The following GRM4 variants were observed in gnomAD, a reference collection of about 807,000 sequenced individuals.
GRM4 encodes metabotropic glutamate receptor 4.
A neutral mutation model predicts 81.7 loss-of-function variants in GRM4; 28 were observed. That is an observed-to-expected ratio of 0.34 (90% CI 0.25 to 0.47). The LOEUF is 0.47. GRM4 is among the 20% of genes least tolerant of loss of function. The probability of loss-of-function intolerance (pLI) is 1.00; values close to 1 mark genes in which losing one functional copy is unlikely to be tolerated. For missense variants in GRM4, 948 were observed against 1,290.0 expected, an observed-to-expected ratio of 0.73 and a Z score of 4.06; for synonymous variants, 488 against 528.8, an observed-to-expected ratio of 0.92 and a Z score of 1.06.
At position 34,125,980 on chromosome 6, in the gene GRM4, CCT is replaced by C. The variant is rs777471825; in HGVS notation, c.519+6996_519+6997del. ...ATCCTATTCTGTATCCCTAGCCTCCCCTGAGCACCTCCTGAGGGCTTTGGGCA... is the reference window on the plus strand; with the variant it reads ...ATCCTATTCTGTATCCCTAGCCTCCCGAGCACCTCCTGAGGGCTTTGGGCA... On this transcript the variant is annotated intron_variant, in intron 2 of 10. Coordinates refer to ENST00000538487, the MANE Select transcript of GRM4 (RefSeq NM_000841.4). Among the ~76,000 whole-genome samples the C allele has an allele frequency of 3.3e-5, 5 of 152,332 alleles. No individual in the cohort carries two copies. The East Asian group carries it at 5.8e-4, about 18-fold the overall frequency.
intron 1 of GRM4, among the ~76,000 whole-genome samples, chr6:34,141,743 TAAGC>T (rs1317075003): frequency 1.3e-5 from 2 of 152,158 alleles, no homozygotes; most frequent in Admixed American, 6.5e-5. Flanking sequence ...TCATCTCTTC[TAAGC>T]AAGTTCCATT....
intron 2 of GRM4, among the ~76,000 whole-genome samples, chr6:34,107,058 C>T (rs923427012): frequency 3.9e-5 from 6 of 152,238 alleles, no homozygotes; most frequent in Non-Finnish European, 7.3e-5. Context: ...CTGCCCAGCA[C>T]GGCCTCCATG....
At chr6:34,023,920 CAG>C (rs1764014144) in intron 10 of GRM4, among the ~76,000 whole-genome samples, 1 of 152,190 alleles carries the variant, frequency 6.6e-6, no homozygotes, top group African/African-American at 2.4e-5. Context: ...TGGTGGTAAT[CAG>C]GGCAGTATTG....
At position 34,133,658 on chromosome 6, in the gene GRM4, G is replaced by A; in HGVS notation, c.-162C>T. The A allele has an allele frequency of 7.1e-7, 1 of 1,418,088 alleles. No individual in the cohort carries two copies. Among genetic ancestry groups the A allele is most frequent in the Non-Finnish European group, 9.2e-7 (1 of 1,091,898 alleles). The allele number at this position is 1,418,088 out of a possible 1,614,324, so 87.8% of individuals were successfully genotyped here. ...TGCTGCTACCCTCTCCCACCTCCTT[G>A]TCACTCGGGCCAAGCACAGTTGCCC... On this transcript the variant is annotated 5_prime_UTR_variant, in exon 2 of 11. Transcript: ENST00000538487. This position sits in a 1 kb window ranked among gnomAD's most constrained non-coding sequence, Gnocchi z 6.5.
chr6:34,133,932 T>C lies in GRM4; in HGVS notation c.-363-73A>G. 1 of 653,186 alleles carries C rather than the reference T, an allele frequency of 1.5e-6. No homozygotes were observed. The highest frequency in any genetic ancestry group is 1.9e-5 in the African/African-American group (1 of 51,324). The allele number at this position is 653,186 out of a possible 1,614,324, so 40.5% of individuals were successfully genotyped here. The stretch of plus-strand genomic sequence containing the variant: ...AGACATTAGCTAGTCTCATCTCTCA[T>C]CAGGAGCCTGAGAGAAGGAGATGCT... On this transcript the variant is annotated intron_variant, in intron 1 of 10. Coordinates refer to ENST00000538487, the MANE Select transcript of GRM4 (RefSeq NM_000841.4). The surrounding 1 kb of genome is among the most constrained non-coding windows in gnomAD (Gnocchi z 6.5).
intron 2 of GRM4, among the ~76,000 whole-genome samples, chr6:34,132,322 C>T (rs575095845): frequency 3.3e-5 from 5 of 152,226 alleles, no homozygotes; most frequent in Admixed American, 2.6e-4. Flanking sequence ...TCAGTTTTCC[C>T]GTCCTCATCT....
chr6:34,059,340 C>G lies in GRM4; in HGVS notation c.873-212G>C. 1 of 587,094 alleles carries G rather than the reference C, an allele frequency of 1.7e-6. No homozygotes were observed. Among genetic ancestry groups the G allele is most frequent in the African/African-American group, 1.9e-5 (1 of 53,680 alleles). The allele number at this position is 587,094 out of a possible 1,614,324, so 36.4% of individuals were successfully genotyped here. A position where few individuals can be genotyped will look rare whatever the true frequency, so the allele number is the denominator to read the frequency against. On this transcript the variant is annotated intron_variant, in intron 4 of 10. Transcript: ENST00000538487. This position sits in a 1 kb window ranked among gnomAD's most constrained non-coding sequence, Gnocchi z 5.7. The stretch of plus-strand genomic sequence containing the variant: ...ACCCATGGCTACCGCCTCATCCAAC[C>G]TGCCTGCCCCTGGGCCCACGCCTGC...
intron 10 of GRM4, 36 bp downstream of exon 10, chr6:34,028,084 G>A: frequency 6.3e-7 from 1 of 1,585,322 alleles, no homozygotes; most frequent in Non-Finnish European, 8.6e-7. Context: ...AGCGGGGCCT[G>A]GGGCCCGAGA....
intron 3 of GRM4, among the ~76,000 whole-genome samples, chr6:34,082,675 T>C (rs1767666226): frequency 6.6e-6 from 1 of 152,236 alleles, no homozygotes; most frequent in Admixed American, 6.5e-5. Context: ...ACTAATGCCT[T>C]TGAGAGCACC....
At chr6:34,043,385 G>A (rs1434791641) in intron 6 of GRM4, among the ~76,000 whole-genome samples, 1 of 152,138 alleles carries the variant, frequency 6.6e-6, no homozygotes, top group Non-Finnish European at 1.5e-5. Context: ...AGTGTCGCCT[G>A]GAAAGACCCT....
chr6:34,145,817 A>G (rs1048922962), intron 1 of GRM4, among the ~76,000 whole-genome samples, 183 bp downstream of exon 1: 1 of 152,122 alleles, frequency 6.6e-6, no homozygotes, highest in Non-Finnish European at 1.5e-5. Flanking sequence ...TTTTAAAGAG[A>G]GAGCACCTGG....
chr6:34,115,565 A>G lies in GRM4; in HGVS notation c.519+17413T>C, dbSNP rs1243944073. ...ACAGCAGCCTCCAGGGGTCTGCCCG[A>G]AGACACTCGGCAAACCTTTCAGGCC... On this transcript the variant is annotated intron_variant, in intron 2 of 10. Transcript: ENST00000538487. This position sits in a 1 kb window ranked among gnomAD's most constrained non-coding sequence, Gnocchi z 4.1. Among the ~76,000 whole-genome samples, 1 of 152,134 alleles carries G rather than the reference A, an allele frequency of 6.6e-6. No homozygotes were observed. Among genetic ancestry groups the G allele is most frequent in the Non-Finnish European group, 1.5e-5 (1 of 68,034 alleles).
At chr6:34,056,441 G>GC in intron 6 of GRM4, 103 bp downstream of exon 6, 1 of 1,095,836 alleles carries the variant, frequency 9.1e-7, no homozygotes, top group Admixed American at 2.3e-5. Flanking sequence ...GCCACGGCCG[G>GC]CCGACGACAG....
intron 6 of GRM4, among the ~76,000 whole-genome samples, chr6:34,051,767 A>G (rs1374117749): frequency 1.3e-5 from 2 of 152,130 alleles, no homozygotes; most frequent in Non-Finnish European, 2.9e-5. Context: ...CTTCCTGCAG[A>G]TAAGCTCCCA....
At chr6:34,104,677 C>T (rs1769029258) in intron 2 of GRM4, among the ~76,000 whole-genome samples, 1 of 152,164 alleles carries the variant, frequency 6.6e-6, no homozygotes, top group Non-Finnish European at 1.5e-5. Context: ...CATCCCCGCA[C>T]CCAGGAAGCA....
Position 34,035,810 on chromosome 6 carries a change from C to T in GRM4, c.2300G>A (p.Cys767Tyr). 1.2e-6 allele frequency: 2 copies of T among 1,613,838 alleles called. No individual in the cohort carries two copies. The highest frequency in any genetic ancestry group is 1.7e-6 in the Non-Finnish European group (2 of 1,179,704). Residue 767 changes from cysteine to tyrosine, a missense_variant, in exon 9 of 11, where the codon TGC (cysteine) becomes TAC (tyrosine). Coordinates refer to ENST00000538487, the MANE Select transcript of GRM4 (RefSeq NM_000841.4). This position sits in a 1 kb window ranked among gnomAD's most constrained non-coding sequence, Gnocchi z 6.6. ...LGYSMLLMVT[C>Y]TVYAIKTRGV... Reference sequence around the variant, plus strand: ...GCGTGTCTTGATGGCATACACGGTGCACGTGACCATGAGCAGCATGCTGTA... The same window carrying T: ...GCGTGTCTTGATGGCATACACGGTGTACGTGACCATGAGCAGCATGCTGTA...
In GRM4 at chr6:34,092,769, C is replaced by G. The variant is rs114492913; in HGVS notation, c.520-670G>C. ...CAGCCTCTCCAAGGCAGAGCCGACCCGGGGCCCTGCCCCAGCCCCGGGGCT... is the reference window on the plus strand; with the variant it reads ...CAGCCTCTCCAAGGCAGAGCCGACCGGGGGCCCTGCCCCAGCCCCGGGGCT... On this transcript the variant is annotated intron_variant, in intron 2 of 10. Coordinates refer to ENST00000538487, the MANE Select transcript of GRM4 (RefSeq NM_000841.4). The surrounding 1 kb of genome is among the most constrained non-coding windows in gnomAD (Gnocchi z 6.8). Among the ~76,000 whole-genome samples, 3 of 151,994 alleles carry G rather than the reference C, an allele frequency of 2.0e-5. No individual in the cohort carries two copies. Among genetic ancestry groups the G allele is most frequent in the Non-Finnish European group, 4.4e-5 (3 of 67,954 alleles).
intron 10 of GRM4, among the ~76,000 whole-genome samples, chr6:34,026,695 C>G (rs61423062): frequency 1.3e-5 from 2 of 152,032 alleles, no homozygotes; most frequent in African/African-American, 4.8e-5. Flanking sequence ...GGGCAGTACC[C>G]GTACTGAGCC....
rs995253821 is a variant in GRM4, at chr6:34,092,805, G to A, written c.520-706C>T. On this transcript the variant is annotated intron_variant, in intron 2 of 10. Coordinates refer to ENST00000538487, the MANE Select transcript of GRM4 (RefSeq NM_000841.4). The surrounding 1 kb of genome is among the most constrained non-coding windows in gnomAD (Gnocchi z 6.8). ...CCCAGCCCCGGGGCTTTCCAGTCACGGGGCATCTTCCCGCCTCCACAGGCC... is the reference window on the plus strand; with the variant it reads ...CCCAGCCCCGGGGCTTTCCAGTCACAGGGCATCTTCCCGCCTCCACAGGCC... Among the ~76,000 whole-genome samples the A allele has an allele frequency of 2.0e-5, 3 of 151,924 alleles. No individual in the cohort carries two copies. The highest frequency in any genetic ancestry group is 2.9e-5 in the Non-Finnish European group (2 of 67,938).
Sources: gnomAD v4.1 joint callset for allele counts (sites outside exome capture counted in the v4.1 genomes callset) on GRCh38, gnomAD v4.1.1 for gene constraint, Gnocchi (gnomAD v3.1) non-coding constraint, MANE v1.5 for transcripts, NCBI Gene and HGNC (gene_info 2026-07-23, HGNC 2026-07-21) for gene names.